Variants in KDR observed in about 807,000 individuals in gnomAD.
KDR encodes the protein vascular endothelial growth factor receptor 2.
A neutral mutation model predicts 160.9 loss-of-function variants in KDR; 43 were observed. The ratio of observed to expected loss-of-function variants is 0.27; its 90% CI spans 0.21 to 0.34. The LOEUF (loss-of-function observed/expected upper bound fraction) is 0.34. KDR is among the 10% of genes least tolerant of loss of function. The probability of loss-of-function intolerance (pLI) is 1.00; values close to 1 mark genes in which losing one functional copy is unlikely to be tolerated. For synonymous variants in KDR, 617 were observed against 600.1 expected (o/e 1.03, Z -0.41); for missense variants, 1,469 against 1,666.4 (o/e 0.88, Z 2.06).
chr4:55,109,681 A>G (rs1720527101), intron 9 of KDR, among the ~76,000 whole-genome samples: 1 of 152,132 alleles, frequency 6.6e-6, no homozygotes, highest in South Asian at 2.1e-4. Context: ...TTAGCATATA[A>G]AAGGTTCTGC....
At chr4:55,123,295 G>GA (rs1429038966) in intron 1 of KDR, among the ~76,000 whole-genome samples, 18 of 152,134 alleles carry the variant, frequency 1.2e-4, no homozygotes, top group African/African-American at 3.9e-4. Context: ...ATCCAAATGA[G>GA]AAAAAAACCA....
rs795939488 is a variant in KDR at position 55,088,913 on chromosome 4, C to T, written c.3465G>A (p.Glu1155=). ...AGAGATTTCCCAAATGTTCCACCAA[C>T]TCTGAAAACGTGGGTCTCTGACTGG... The part of the protein sequence containing the change: ...GEPSQRPTFS[E]LVEHLGNLLQ... Residue 1155 remains glutamate, a synonymous_variant, in exon 26 of 30, where the codon GAG becomes GAA. Transcript: ENST00000263923. 3 of 1,614,202 alleles carry T rather than the reference C, an allele frequency of 1.9e-6. No individual in the cohort carries two copies. The highest frequency in any genetic ancestry group is 2.5e-6 in the Non-Finnish European group (3 of 1,180,028).
intron 20 of KDR, among the ~76,000 whole-genome samples, 166 bp from the exon 21 acceptor site, chr4:55,095,121 G>A (rs1720118949): frequency 1.3e-5 from 2 of 152,158 alleles, no homozygotes; most frequent in Middle Eastern, 3.4e-3. Flanking sequence ...TGAAACTTGG[G>A]GCAAGTTTTG....
intron 8 of KDR, 42 bp from the exon 9 acceptor site, chr4:55,110,608 T>C (rs1720554962): frequency 1.2e-6 from 2 of 1,612,772 alleles, no homozygotes; most frequent in Non-Finnish European, 1.7e-6. Flanking sequence ...GTCAAAGGAT[T>C]TGCTCTCACA....
Position 55,110,779 on chromosome 4 carries a change from A to AC in KDR, c.977-12_977-11insG. On this transcript the variant is annotated splice_polypyrimidine_tract_variant and intron_variant, in intron 7 of 29. Transcript: ENST00000263923. ...CAACAAAAGGTTTTTCTGGAAGAAA[A>AC]TAAAAAAAAAAAAAGGTCAACTTAC... is the stretch of plus-strand genomic sequence containing the variant. 1.4e-6 allele frequency: 2 copies of AC among 1,469,098 alleles called. No individual in the cohort carries two copies. The highest frequency in any genetic ancestry group is 1.8e-6 in the Non-Finnish European group (2 of 1,084,240). 91.0% of individuals were successfully genotyped at this position (1,469,098 alleles called of 1,614,324 possible). A position where few individuals can be genotyped will look rare whatever the true frequency, so the allele number is the denominator to read the frequency against.
rs534339564 is a variant in KDR at position 55,090,445 on chromosome 4, A to T, written c.3070-367T>A. 1.6e-4 allele frequency among the ~76,000 whole-genome samples: 24 copies of T among 152,216 alleles called. No homozygotes were observed. In the South Asian group the frequency reaches 4.8e-3, roughly 30 times the overall value. On this transcript the variant is annotated intron_variant, in intron 22 of 29. Coordinates refer to ENST00000263923, the MANE Select transcript of KDR (RefSeq NM_002253.4). ...TATTCTAAGGAGGTCCGAGAACGGG[A>T]TTTGTTTTTTGAATGAATGCACGGA...
At chr4:55,094,068 G>A (rs1197659389) in intron 21 of KDR, among the ~76,000 whole-genome samples, 1 of 151,738 alleles carries the variant, frequency 6.6e-6, no homozygotes, top group Non-Finnish European at 1.5e-5. Context: ...AATTAGCTGG[G>A]CATGGTGGAA....
chr4:55,079,949 G>A lies in KDR; in HGVS notation c.4063C>T (p.Pro1355Ser), dbSNP rs747831962. 1.9e-6 allele frequency: 3 copies of A among 1,613,884 alleles called. No homozygotes were observed. The South Asian group carries it at 3.3e-5, about 18-fold the overall frequency. The change falls in exon 30 of 30, where the codon CCT (proline) becomes TCT (serine). Residue 1355 changes from proline to serine, a missense_variant. Pro to Ser is a moderately conservative substitution (Grantham distance 74). Transcript: ENST00000263923. The part of the protein sequence containing the change: ...PDSGTTLSSP[P>S]V ...GGTGTGGATGCTTCCTTTTAAACAG[G>A]AGGAGAGCTCAGTGTGGTCCCCGAG...
chr4:55,080,152 G>A lies in KDR; in HGVS notation c.3860C>T (p.Pro1287Leu). Residue 1287 changes from proline to leucine, a missense_variant, in exon 30 of 30, where the codon CCC becomes CTC. Transcript: ENST00000263923. ...KLSPSFGGMV[P>L]SKSRESVASE... ...TGCCACAGACTCCCTGCTTTTGCTG[G>A]GCACCATTCCACTGCAGAAGAAATG... 1.2e-6 allele frequency: 2 copies of A among 1,613,158 alleles called. No homozygotes were observed. The highest frequency in any genetic ancestry group is 8.5e-7 in the Non-Finnish European group (1 of 1,179,956).
intron 7 of KDR, among the ~76,000 whole-genome samples, chr4:55,113,091 A>G (rs1720637253): frequency 6.6e-6 from 1 of 152,228 alleles, no homozygotes; most frequent in Non-Finnish European, 1.5e-5. Flanking sequence ...CTCTTACTGT[A>G]TATCAGCACA....
At chr4:55,087,491 T>A in intron 27 of KDR, 116 bp downstream of exon 27, 1 of 896,954 alleles carries the variant, frequency 1.1e-6, no homozygotes, top group Admixed American at 2.1e-5. Flanking sequence ...GGGCTAAGGT[T>A]ATGTGGAAGT....
rs753625353 is a variant in KDR, at chr4:55,110,490, C to T, written c.1168G>A (p.Glu390Lys). 3.1e-5 allele frequency: 50 copies of T among 1,613,828 alleles called. No homozygotes were observed. The South Asian group carries it at 5.4e-4, about 17-fold the overall frequency. The change falls in exon 9 of 30, where the codon GAA becomes AAA. Residue 390 changes from glutamate to lysine, a missense_variant. By Grantham distance (56) the Glu-to-Lys change is moderately conservative. Coordinates refer to ENST00000263923, the MANE Select transcript of KDR (RefSeq NM_002253.4). ...GHVLTIMEVS[E>K]RDTGNYTVIL... ...ACAGTGTAATTTCCTGTGTCTCTTT[C>T]ACTCACTTCCATAATCGTCAGTACA... is the stretch of plus-strand genomic sequence containing the variant.
In KDR at chr4:55,094,935, A is replaced by C; in HGVS notation, c.2838T>G (p.Arg946=). The C allele has an allele frequency of 6.2e-7, 1 of 1,613,972 alleles. No individual in the cohort carries two copies. The highest frequency in any genetic ancestry group is 1.1e-5 in the South Asian group (1 of 91,082). ...TTGCTCCAACGTAGTCTTTCCCTTGACGGAATCGTGCCCCTTTGGTCTATA... is the reference window on the plus strand; with the variant it reads ...TTGCTCCAACGTAGTCTTTCCCTTGCCGGAATCGTGCCCCTTTGGTCTATA... ...VPYKTKGARF[R]QGKDYVGAIP... Residue 946 remains arginine, a synonymous_variant, in exon 21 of 30, where the codon CGT becomes CGG. Coordinates refer to ENST00000263923, the MANE Select transcript of KDR (RefSeq NM_002253.4).
intron 22 of KDR, among the ~76,000 whole-genome samples, chr4:55,090,702 C>T (rs1320238743): frequency 6.6e-6 from 1 of 152,152 alleles, no homozygotes; most frequent in Non-Finnish European, 1.5e-5. Flanking sequence ...TCTTTCTCTT[C>T]CTTTTAGCTT....
At chr4:55,085,213 G>T (rs1180751298) in intron 27 of KDR, among the ~76,000 whole-genome samples, 1 of 152,162 alleles carries the variant, frequency 6.6e-6, no homozygotes, top group Admixed American at 6.5e-5. Context: ...ATGCAAACTT[G>T]AGGCCAGAGC....
chr4:55,096,886 C>T (rs1361632871), intron 18 of KDR, among the ~76,000 whole-genome samples: 3 of 152,176 alleles, frequency 2.0e-5, no homozygotes, highest in Non-Finnish European at 4.4e-5. Context: ...TGCTACACTT[C>T]CCACTAATTC....
In KDR at chr4:55,079,233, G is replaced by A. The variant is rs997731956; in HGVS notation, c.*708C>T. ...GGGGCTTGGCCAGGAGACACGTAAC[G>A]GTCTGGAAGGAACTCTCATTAGGAG... On this transcript the variant is annotated 3_prime_UTR_variant, in exon 30 of 30. Coordinates refer to ENST00000263923, the MANE Select transcript of KDR (RefSeq NM_002253.4). 3.4e-5 allele frequency: 8 copies of A among 233,494 alleles called. No homozygotes were observed. The highest frequency in any genetic ancestry group is 1.8e-4 in the East Asian group (3 of 16,566). The allele number at this position is 233,494 out of a possible 1,614,324, so 14.5% of individuals were successfully genotyped here.
intron 11 of KDR, among the ~76,000 whole-genome samples, 175 bp from the exon 12 acceptor site, chr4:55,106,115 G>A (rs564908126): frequency 3.3e-5 from 5 of 152,068 alleles, no homozygotes; most frequent in African/African-American, 9.6e-5. Context: ...TACTCAAAAC[G>A]CTTGGGACCA....
intron 9 of KDR, among the ~76,000 whole-genome samples, chr4:55,108,186 C>T (rs1485603315): frequency 1.4e-5 from 2 of 141,294 alleles, no homozygotes; most frequent in African/African-American, 5.2e-5. Flanking sequence ...CATGGTGAGA[C>T]CCCATCTCTA....
Sources: allele counts gnomAD v4.1 joint callset (sites outside exome capture counted in the v4.1 genomes callset), GRCh38; gene constraint gnomAD v4.1.1; transcripts MANE v1.5; gene names NCBI Gene and HGNC (gene_info 2026-07-23, HGNC 2026-07-21).